ZNF665: variants seen among roughly 807,000 people sequenced by gnomAD.
ZNF665 encodes the protein zinc finger protein 665.
In ZNF665, 6 loss-of-function variants were observed where a neutral mutation model predicts 7.9. That is an observed-to-expected ratio of 0.76 (90% CI 0.42 to 1.50). The LOEUF (loss-of-function observed/expected upper bound fraction) is 1.50. ZNF665 is among the 40% of genes most tolerant of loss of function. The probability of loss-of-function intolerance (pLI) is 0.01; values close to 1 mark genes in which losing one functional copy is unlikely to be tolerated. For missense variants in ZNF665, 819 were observed against 806.7 expected, an observed-to-expected ratio of 1.02 and a Z score of -0.18; for synonymous variants, 242 against 274.5, an observed-to-expected ratio of 0.88 and a Z score of 1.17.
At chr19:53,171,799 A>G (rs2090660946) in intron 3 of ZNF665, among the ~76,000 whole-genome samples, 1 of 151,976 alleles carries the variant, frequency 6.6e-6, no homozygotes, top group Admixed American at 6.6e-5. Flanking sequence ...CTGATGCCCA[A>G]GCTAGAGGGC....
intron 3 of ZNF665, among the ~76,000 whole-genome samples, chr19:53,168,176 T>C (rs563786414): frequency 1.3e-5 from 2 of 151,844 alleles, no homozygotes; most frequent in African/African-American, 4.8e-5. Flanking sequence ...AAACTGTCTT[T>C]ATTTGCAGAT....
Position 53,180,801 on chromosome 19 carries a change from T to C in ZNF665, c.15+2083A>G, listed in dbSNP as rs146745197. Reference sequence around the variant, plus strand: ...AAATATGTAAGAACTTGTACTCCAATTGGTATTAAATACAAATATTAAAAG... The same window carrying C: ...AAATATGTAAGAACTTGTACTCCAACTGGTATTAAATACAAATATTAAAAG... On this transcript the variant is annotated intron_variant, in intron 2 of 3. Transcript: ENST00000396424. 256 of 152,304 alleles carry C rather than the reference T, an allele frequency of 1.7e-3. 1 individual carries two copies. Among genetic ancestry groups the C allele is most frequent in the Middle Eastern group, 6.8e-3 (2 of 294 alleles). 9.4% of individuals were successfully genotyped at this position (152,304 alleles called of 1,614,324 possible).
intron 1 of ZNF665, among the ~76,000 whole-genome samples, chr19:53,192,407 A>G (rs1307820491): frequency 6.6e-6 from 1 of 151,422 alleles, no homozygotes; most frequent in Admixed American, 6.6e-5. Flanking sequence ...TCCTCTCCCT[A>G]ACTCTCCGTC....
chr19:53,185,907 A>T lies in ZNF665; in HGVS notation c.-45-2964T>A, dbSNP rs58435028. ...AGAGGGGAACTTACTACAGAAGGAA[A>T]AGTAGTTAAGGGTTTTTTTTTTTTT... On this transcript the variant is annotated intron_variant, in intron 1 of 3. Transcript: ENST00000396424. Among the ~76,000 whole-genome samples the T allele has an allele frequency of 4.5e-4, 68 of 149,722 alleles. 20 individuals carry two copies. In the East Asian group the frequency reaches 0.015, roughly 32 times the overall value.
At chr19:53,176,600 C>G (rs932026710) in intron 2 of ZNF665, among the ~76,000 whole-genome samples, 1 of 152,192 alleles carries the variant, frequency 6.6e-6, no homozygotes, top group African/African-American at 2.4e-5. Flanking sequence ...GTGAGAAACC[C>G]AAGCCACAAT....
chr19:53,165,177 G>C lies in ZNF665; in HGVS notation c.1313C>G (p.Ala438Gly), dbSNP rs535526921. 6.2e-7 allele frequency: 1 copy of C among 1,614,132 alleles called. No individual in the cohort carries two copies. The highest frequency in any genetic ancestry group is 2.2e-5 in the East Asian group (1 of 44,872). ...AGTTAGGCTTGATCGCACACTAAAG[G>C]CTTTGCCACACTCATCACACCTGTA... Reference protein sequence around the residue: ...KPYRCDECGKAFSVRSSLTTH... With the variant: ...KPYRCDECGKGFSVRSSLTTH... Residue 438 changes from alanine to glycine, a missense_variant, in exon 4 of 4, where the codon GCC becomes GGC. By Grantham distance (60) the Ala-to-Gly change is moderately conservative. Coordinates refer to ENST00000396424, the MANE Select transcript of ZNF665 (RefSeq NM_024733.5).
chr19:53,184,945 A>G (rs998831343), intron 1 of ZNF665, among the ~76,000 whole-genome samples: 7 of 152,050 alleles, frequency 4.6e-5, no homozygotes, highest in Non-Finnish European at 8.8e-5. Context: ...GAAAGAGAGA[A>G]ACAGCTTACA....
chr19:53,166,607 T>C (rs1457951884), intron 3 of ZNF665, among the ~76,000 whole-genome samples: 1 of 152,198 alleles, frequency 6.6e-6, no homozygotes, highest in Non-Finnish European at 1.5e-5. Flanking sequence ...AAACCCATAT[T>C]AGCCCTGAAA....
chr19:53,182,469 C>T, intron 2 of ZNF665: 1 of 512,860 alleles, frequency 1.9e-6, no homozygotes, highest in Non-Finnish European at 3.5e-6. Context: ...AAGCTTTCCC[C>T]ACAGTCGTCT....
At chr19:53,182,676 T>G (rs1229590399) in intron 2 of ZNF665, 1 of 1,018,494 alleles carries the variant, frequency 9.8e-7, no homozygotes, top group African/African-American at 1.6e-5. Flanking sequence ...CCCAGGTCCA[T>G]GCCCCGTGCA....
At position 53,164,655 on chromosome 19, in the gene ZNF665, T is replaced by C. The variant is rs2146829836; in HGVS notation, c.1835A>G (p.His612Arg). ...GTGAATTCTTCTATGATTTGCAAGA[T>C]GTGAATTTTGAGTGAAGACCTTGCC... Reference protein sequence around the residue: ...ECGKVFTQNSHLANHRRIHTG... With the variant: ...ECGKVFTQNSRLANHRRIHTG... Residue 612 changes from histidine (H) to arginine (R), a missense_variant, in exon 4 of 4, where the codon CAT becomes CGT. By Grantham distance (29) the His-to-Arg change is conservative (BLOSUM62 0). Coordinates refer to ENST00000396424, the MANE Select transcript of ZNF665 (RefSeq NM_024733.5). 4 of 1,612,800 alleles carry C rather than the reference T, an allele frequency of 2.5e-6. No individual in the cohort carries two copies. Among genetic ancestry groups the C allele is most frequent in the South Asian group, 1.1e-5 (1 of 91,006 alleles).
chr19:53,181,094 G>C (rs2090734388), intron 2 of ZNF665: 1 of 152,136 alleles, frequency 6.6e-6, no homozygotes, highest in Non-Finnish European at 1.5e-5. Context: ...TAATCAAGCA[G>C]TAAATGCTGG....
chr19:53,180,646 T>A (rs573248067), intron 2 of ZNF665: 1 of 152,222 alleles, frequency 6.6e-6, no homozygotes, highest in Non-Finnish European at 1.5e-5. Flanking sequence ...TATTTTTTTT[T>A]ATGACATCTT....
intron 3 of ZNF665, among the ~76,000 whole-genome samples, chr19:53,168,531 A>G (rs571435607): frequency 4.6e-5 from 7 of 152,210 alleles, no homozygotes; most frequent in Admixed American, 4.6e-4. Flanking sequence ...AACACTCCCC[A>G]TTTAGCCTAT....
chr19:53,172,851 A>G (rs1443789846), intron 3 of ZNF665, among the ~76,000 whole-genome samples: 1 of 151,484 alleles, frequency 6.6e-6, no homozygotes. Flanking sequence ...AAAAAAGGAA[A>G]TAAAATGTAT....
chr19:53,183,210 G>A (rs2090751629), intron 1 of ZNF665, among the ~76,000 whole-genome samples: 1 of 152,156 alleles, frequency 6.6e-6, no homozygotes, highest in Non-Finnish European at 1.5e-5. Flanking sequence ...GGCTGCAGCA[G>A]TGGGGAGCTG....
Position 53,164,928 on chromosome 19 carries a change from T to C in ZNF665, c.1562A>G (p.Lys521Arg), listed in dbSNP as rs1224394247. Residue 521 changes from lysine (K) to arginine (R), a missense_variant, in exon 4 of 4, where the codon AAA (lysine) becomes AGA (arginine). Lys to Arg is a conservative substitution (Grantham distance 26, BLOSUM62 2). Coordinates refer to ENST00000396424, the MANE Select transcript of ZNF665 (RefSeq NM_024733.5). ...TAGGCTTGAATGAACACTAAAGGCT[T>C]TGCCACACTCATTACACTTGTAAGG... is the stretch of plus-strand genomic sequence containing the variant. ...EKPYKCNECG[K>R]AFSVHSSLTI... 1.2e-6 allele frequency: 2 copies of C among 1,614,204 alleles called. No homozygotes were observed. The highest frequency in any genetic ancestry group is 2.2e-5 in the South Asian group (2 of 91,088).
At chr19:53,170,723 T>C in intron 3 of ZNF665, among the ~76,000 whole-genome samples, 1 of 152,212 alleles carries the variant, frequency 6.6e-6, no homozygotes, top group Non-Finnish European at 1.5e-5. Flanking sequence ...CAATGCTGCA[T>C]TAAACATGGA....
chr19:53,163,536 G>C lies in ZNF665; in HGVS notation c.*917C>G, dbSNP rs911715784. ...AGAAATAATCCTCACCTAATGAAGT[G>C]AGTGAGCCCTTCCATCCTTTGATTC... On this transcript the variant is annotated 3_prime_UTR_variant, in exon 4 of 4. Coordinates refer to ENST00000396424, the MANE Select transcript of ZNF665 (RefSeq NM_024733.5). The C allele has an allele frequency of 1.5e-4, 23 of 152,168 alleles. No individual in the cohort carries two copies. Among genetic ancestry groups the C allele is most frequent in the African/African-American group, 5.6e-4 (23 of 41,432 alleles). 9.4% of individuals were successfully genotyped at this position (152,168 alleles called of 1,614,324 possible). A position where few individuals can be genotyped will look rare whatever the true frequency, so the allele number is the denominator to read the frequency against.
Sources: gnomAD v4.1 joint callset for allele counts (sites outside exome capture counted in the v4.1 genomes callset) on GRCh38, gnomAD v4.1.1 for gene constraint, MANE v1.5 for transcripts, NCBI Gene and HGNC (gene_info 2026-07-23, HGNC 2026-07-21) for gene names.